UPB1: variants seen among roughly 807,000 people sequenced by gnomAD.
The protein encoded by UPB1 is beta-ureidopropionase 1.
Under a neutral mutation model 49.1 loss-of-function variants are expected in UPB1, and 40 were observed. The ratio of observed to expected loss-of-function variants is 0.81; its 90% confidence interval spans 0.63 to 1.06. The LOEUF (loss-of-function observed/expected upper bound fraction) is 1.06, where lower values mean the gene tolerates loss of function less well. UPB1 is among the 50% of genes least tolerant of loss of function. The pLI, the probability that UPB1 is intolerant of heterozygous loss-of-function variation, is 0.00. For missense variants in UPB1, 499 were observed against 505.9 expected (o/e 0.99, Z 0.13); for synonymous variants, 207 against 198.2 (o/e 1.04, Z -0.38).
intron 8 of UPB1, 105 bp from the exon 9 acceptor site, chr22:24,523,514 G>C: frequency 6.5e-7 from 1 of 1,528,046 alleles, no homozygotes; most frequent in Middle Eastern, 1.8e-4. Context: ...TGGGGAGGAT[G>C]GCATGGACTC....
At position 24,500,234 on chromosome 22, in the gene UPB1, C is replaced by T. The variant is rs1460252992; in HGVS notation, c.232C>T (p.Gln78Ter). Residue 78 changes from glutamine (Q) to a stop codon, truncating the protein, a stop_gained, in exon 2 of 10, where the codon CAG (glutamine) becomes TAG (stop). Transcript: ENST00000326010. LOFTEE classifies it high-confidence loss of function. ...CCGCATTGTGCACGTGGGGCTGGTT[C>T]AGAACAGAATCCCCCTCCCCGCAAA... ...RPRIVHVGLV[Q>*]NRIPLPANAP... 1 of 1,614,218 alleles carries T rather than the reference C, an allele frequency of 6.2e-7. No homozygotes were observed.
rs764546743 is a variant in UPB1 at position 24,511,598 on chromosome 22, TTATA to T, written c.459+773_459+776del. On this transcript the variant is annotated intron_variant, in intron 4 of 9. Coordinates refer to ENST00000326010, the MANE Select transcript of UPB1 (RefSeq NM_016327.3). ...TAAAGTGAATCTTATGCTCTGTGAA[TTATA>T]TATATATATATATATATTTTTTTTT... is the stretch of plus-strand genomic sequence containing the variant. Among the ~76,000 whole-genome samples the T allele has an allele frequency of 2.2e-3, 301 of 136,212 alleles. 5 individuals carry two copies. Among genetic ancestry groups the T allele is most frequent in the Middle Eastern group, 0.011 (3 of 266 alleles). The allele number at this position is 136,212 out of a possible 152,430, so 89.4% of individuals were successfully genotyped here.
intron 6 of UPB1, chr22:24,518,314 TGAA>T (rs1488338005): frequency 1.3e-5 from 2 of 152,088 alleles, no homozygotes; most frequent in Non-Finnish European, 2.9e-5. Context: ...AGAGTCATGA[TGAA>T]GGTAATGCAA....
At chr22:24,515,473 C>A in intron 6 of UPB1, 103 bp downstream of exon 6, 1 of 1,507,830 alleles carries the variant, frequency 6.6e-7, no homozygotes, top group Admixed American at 1.7e-5. Flanking sequence ...GGCGCAGCCA[C>A]CAGGATGTTA....
intron 7 of UPB1, 29 bp from the exon 8 acceptor site, chr22:24,521,957 G>C (rs539881546): frequency 6.2e-7 from 1 of 1,613,720 alleles, no homozygotes; most frequent in South Asian, 1.1e-5. Flanking sequence ...CCACCTATAG[G>C]TTCCTCTTAC....
chr22:24,495,538 T>C, intron 1 of UPB1, 31 bp downstream of exon 1: 4 of 1,610,952 alleles, frequency 2.5e-6, no homozygotes, highest in Non-Finnish European at 3.4e-6. Flanking sequence ...GCTAATGGGG[T>C]CTTGGGGCCA....
intron 1 of UPB1, among the ~76,000 whole-genome samples, chr22:24,497,476 C>T (rs2043913844): frequency 6.6e-6 from 1 of 152,212 alleles, no homozygotes; most frequent in African/African-American, 2.4e-5. Context: ...GCTGAGGAGG[C>T]AGGAACTTGG....
intron 3 of UPB1, among the ~76,000 whole-genome samples, 161 bp from the exon 4 acceptor site, chr22:24,510,588 A>G (rs2044180413): frequency 6.6e-6 from 1 of 152,222 alleles, no homozygotes. Context: ...CATGAAGCCC[A>G]GAGGTAAGGG....
In UPB1 at chr22:24,513,366, G is replaced by C; in HGVS notation, c.502G>C (p.Glu168Gln). The change falls in exon 5 of 10, where the codon GAA becomes CAA. Residue 168 changes from glutamate (E) to glutamine (Q), a missense_variant. By Grantham distance (29) the Glu-to-Gln change is conservative. Coordinates refer to ENST00000326010, the MANE Select transcript of UPB1 (RefSeq NM_016327.3). ...CATGGTGGTGGTGTCTCCCATCCTG[G>C]AACGAGACAGCGAGCATGGGGATGT... ...HDMVVVSPIL[E>Q]RDSEHGDVLW... 6.2e-7 allele frequency: 1 copy of C among 1,614,214 alleles called. No homozygotes were observed. The highest frequency in any genetic ancestry group is 8.5e-7 in the Non-Finnish European group (1 of 1,180,042).
intron 1 of UPB1, among the ~76,000 whole-genome samples, chr22:24,499,575 GAGCAGCA>G (rs2043953434): frequency 6.6e-6 from 1 of 151,924 alleles, no homozygotes; most frequent in Non-Finnish European, 1.5e-5. Flanking sequence ...CCCCCAGCAG[GAGCAGCA>G]GGACAGAGTG....
intron 3 of UPB1, 120 bp from the exon 4 acceptor site, chr22:24,510,629 C>G: frequency 9.2e-7 from 1 of 1,089,834 alleles, no homozygotes; most frequent in East Asian, 2.4e-5. Context: ...GACCCAGAAG[C>G]CAGGCCATGG....
intron 2 of UPB1, 60 bp downstream of exon 2, chr22:24,500,338 A>T (rs2043971677): frequency 1.2e-6 from 2 of 1,607,238 alleles, no homozygotes; most frequent in Non-Finnish European, 1.7e-6. Flanking sequence ...CCCTTGGAGC[A>T]CACCTGCAGG....
At chr22:24,499,418 T>C (rs527281895) in intron 1 of UPB1, among the ~76,000 whole-genome samples, 1 of 152,320 alleles carries the variant, frequency 6.6e-6, no homozygotes, top group East Asian at 1.9e-4. Flanking sequence ...TATTTGCTGT[T>C]TGGCTAATGG....
At chr22:24,516,946 G>A (rs766970644) in intron 6 of UPB1, among the ~76,000 whole-genome samples, 1 of 152,134 alleles carries the variant, frequency 6.6e-6, no homozygotes, top group Non-Finnish European at 1.5e-5. Flanking sequence ...GGATGGTCTC[G>A]ATCTCCTGAC....
chr22:24,497,383 C>G (rs1178347222), intron 1 of UPB1, among the ~76,000 whole-genome samples: 1 of 152,170 alleles, frequency 6.6e-6, no homozygotes, highest in Non-Finnish European at 1.5e-5. Flanking sequence ...TCTTTTGTAA[C>G]AGAGCTCTAG....
chr22:24,507,435 G>A (rs552634053), intron 3 of UPB1, among the ~76,000 whole-genome samples: 1 of 152,064 alleles, frequency 6.6e-6, no homozygotes. Context: ...TCCTGGGACC[G>A]GAAGGAATTG....
intron 5 of UPB1, among the ~76,000 whole-genome samples, chr22:24,514,650 C>G (rs2044261721): frequency 6.6e-6 from 1 of 152,182 alleles, no homozygotes; most frequent in Non-Finnish European, 1.5e-5. Context: ...CCCACAGGGA[C>G]CTCCTTAACC....
chr22:24,523,504 T>A, intron 8 of UPB1, 115 bp from the exon 9 acceptor site: 1 of 1,487,272 alleles, frequency 6.7e-7, no homozygotes, highest in Non-Finnish European at 9.3e-7. Flanking sequence ...TGGCAGACAC[T>A]GGGGAGGATG....
intron 6 of UPB1, among the ~76,000 whole-genome samples, chr22:24,517,586 A>C (rs1420825838): frequency 1.3e-5 from 2 of 152,148 alleles, no homozygotes; most frequent in South Asian, 2.1e-4. Context: ...TGACCCTCCT[A>C]TCTCAGGCTT....
Sources: gnomAD v4.1 joint callset for allele counts (sites outside exome capture counted in the v4.1 genomes callset) on GRCh38, gnomAD v4.1.1 for gene constraint, MANE v1.5 for transcripts, NCBI Gene and HGNC (gene_info 2026-07-23, HGNC 2026-07-21) for gene names.